ZNF804B: variants seen among roughly 807,000 people sequenced by gnomAD.
The protein encoded by ZNF804B is zinc finger protein 804B.
ZNF804B carries 80 observed loss-of-function variants against 101.4 expected under a neutral mutation model. That is an observed-to-expected ratio of 0.79 (90% CI 0.66 to 0.95). The LOEUF (loss-of-function observed/expected upper bound fraction) is 0.95, where lower values mean the gene tolerates loss of function less well. Among genes scored for constraint, ZNF804B ranks in the 40% least tolerant of loss-of-function variants. The pLI, the probability that ZNF804B is intolerant of heterozygous loss-of-function variation, is 0.00. For missense variants in ZNF804B, 1,673 were observed against 1,561.9 expected, an observed-to-expected ratio of 1.07 and a Z score of -1.20; for synonymous variants, 622 against 558.8, an observed-to-expected ratio of 1.11 and a Z score of -1.59.
intron 1 of ZNF804B, among the ~76,000 whole-genome samples, chr7:89,017,731 A>C (rs1005595431): frequency 6.6e-6 from 1 of 152,018 alleles, no homozygotes; most frequent in Non-Finnish European, 1.5e-5. Flanking sequence ...ATAGAGATTG[A>C]TCACCTTCTT....
rs541975264 is a variant in ZNF804B, at chr7:89,240,700, C to G, written c.249+22405C>G. Among the ~76,000 whole-genome samples, 20 of 152,046 alleles carry G rather than the reference C, an allele frequency of 1.3e-4. No individual in the cohort carries two copies. In the South Asian group the frequency reaches 4.1e-3, roughly 32 times the overall value. On this transcript the variant is annotated intron_variant, in intron 2 of 3. Coordinates refer to ENST00000333190, the MANE Select transcript of ZNF804B (RefSeq NM_181646.5). ...CATTTTTTTCCACTTTTATCTTCAT[C>G]TTCCTTGGCTCTCTACACTGAGTAT...
intron 1 of ZNF804B, among the ~76,000 whole-genome samples, chr7:89,121,274 T>C (rs1790401551): frequency 6.6e-6 from 1 of 152,222 alleles, no homozygotes; most frequent in Non-Finnish European, 1.5e-5. Flanking sequence ...ATAAGACTAA[T>C]GTATTTCCTA....
At chr7:89,144,748 T>C (rs1259548332) in intron 1 of ZNF804B, among the ~76,000 whole-genome samples, 3 of 152,096 alleles carry the variant, frequency 2.0e-5, no homozygotes, top group Admixed American at 2.0e-4. Flanking sequence ...TTAATTAGCT[T>C]GATTTAATCA....
chr7:89,008,767 C>T (rs1788409285), intron 1 of ZNF804B, among the ~76,000 whole-genome samples: 1 of 152,120 alleles, frequency 6.6e-6, no homozygotes, highest in Admixed American at 6.6e-5. Flanking sequence ...TAGAATCCTA[C>T]CAAAAAGGAA....
At chr7:88,869,729 A>G (rs1360355187) in intron 1 of ZNF804B, among the ~76,000 whole-genome samples, 1 of 152,086 alleles carries the variant, frequency 6.6e-6, no homozygotes, top group African/African-American at 2.4e-5. Flanking sequence ...AAGATAAGGA[A>G]CCCCTGGAGT....
chr7:88,998,781 G>A (rs979403529), intron 1 of ZNF804B, among the ~76,000 whole-genome samples: 1 of 151,880 alleles, frequency 6.6e-6, no homozygotes, highest in African/African-American at 2.4e-5. Flanking sequence ...TTACAATACG[G>A]GATAATTGGG....
intron 2 of ZNF804B, among the ~76,000 whole-genome samples, chr7:89,219,780 A>G (rs1366207288): frequency 1.3e-5 from 2 of 151,288 alleles, no homozygotes; most frequent in Non-Finnish European, 2.9e-5. Flanking sequence ...TATTCAGATT[A>G]AACAAAAATA....
At chr7:88,854,533 T>TTCCTTCCCTTCCCTTCCCTTCCCTTC (rs796987599) in intron 1 of ZNF804B, among the ~76,000 whole-genome samples, 1 of 78,178 alleles carries the variant, frequency 1.3e-5, no homozygotes, top group African/African-American at 5.8e-5. Context: ...TTCCTTTCCT[T>TTCCTTCCCTTCCCTTCCCTTCCCTTC]CCTTCCTTCC....
At chr7:88,893,338 C>G (rs1792240237) in intron 1 of ZNF804B, among the ~76,000 whole-genome samples, 1 of 152,020 alleles carries the variant, frequency 6.6e-6, no homozygotes, top group Non-Finnish European at 1.5e-5. Flanking sequence ...CATCTATCAT[C>G]CGTATTGCTT....
rs1260926908 is a variant in ZNF804B, at chr7:88,893,732, G to A, written c.108+133648G>A. On this transcript the variant is annotated intron_variant, in intron 1 of 3. Coordinates refer to ENST00000333190, the MANE Select transcript of ZNF804B (RefSeq NM_181646.5). ...GAAAAGCTGTGTGTCACAATGTGAAGCGACATTTTGAAAGATATAATAGAC... is the reference window on the plus strand; with the variant it reads ...GAAAAGCTGTGTGTCACAATGTGAAACGACATTTTGAAAGATATAATAGAC... Among the ~76,000 whole-genome samples the A allele has an allele frequency of 2.6e-5, 4 of 152,272 alleles. No individual in the cohort carries two copies. The East Asian group carries it at 7.7e-4, about 29-fold the overall frequency.
intron 2 of ZNF804B, among the ~76,000 whole-genome samples, chr7:89,244,509 A>G (rs1457725138): frequency 1.3e-5 from 2 of 152,160 alleles, no homozygotes; most frequent in Admixed American, 6.5e-5. Flanking sequence ...GAAATTGCAC[A>G]AAAATAAAAG....
intron 1 of ZNF804B, among the ~76,000 whole-genome samples, chr7:89,065,607 A>G (rs972519812): frequency 2.6e-5 from 4 of 152,026 alleles, no homozygotes; most frequent in African/African-American, 4.8e-5. Context: ...TAAAACACCA[A>G]TTTATTCTCT....
In ZNF804B at chr7:88,930,110, T is replaced by C. The variant is rs1792861124; in HGVS notation, c.108+170026T>C. On this transcript the variant is annotated intron_variant, in intron 1 of 3. Transcript: ENST00000333190. ...AGATCATTAAACAAATGTTTAGTTT[T>C]CAGAATGCACTAGGAGGTGAATTAT... 2.6e-5 allele frequency among the ~76,000 whole-genome samples: 4 copies of C among 152,060 alleles called. No homozygotes were observed. In the South Asian group the frequency reaches 8.3e-4, roughly 32 times the overall value.
At chr7:89,255,906 T>C (rs1434504748) in intron 2 of ZNF804B, among the ~76,000 whole-genome samples, 1 of 151,982 alleles carries the variant, frequency 6.6e-6, no homozygotes, top group African/African-American at 2.4e-5. Flanking sequence ...GCAGAGGGGG[T>C]AATATAAATT....
intron 1 of ZNF804B, among the ~76,000 whole-genome samples, chr7:88,957,266 C>G (rs1421537321): frequency 6.6e-6 from 1 of 151,454 alleles, no homozygotes; most frequent in Non-Finnish European, 1.5e-5. Context: ...ATTGAGATGT[C>G]TTAAACCTTG....
intron 2 of ZNF804B, among the ~76,000 whole-genome samples, chr7:89,301,099 GTTTTT>G (rs5885673): frequency 1.3e-5 from 1 of 77,654 alleles, no homozygotes; most frequent in Non-Finnish European, 2.4e-5. Context: ...TTTCAAGCGT[GTTTTT>G]TTTTTTTTTT....
At chr7:89,289,633 C>T (rs1384318023) in intron 2 of ZNF804B, among the ~76,000 whole-genome samples, 1 of 152,040 alleles carries the variant, frequency 6.6e-6, no homozygotes, top group African/African-American at 2.4e-5. Flanking sequence ...CTGAACTCAG[C>T]TGGTGCCCAT....
rs192408909 is a variant in ZNF804B at position 88,933,324 on chromosome 7, C to A, written c.108+173240C>A. On this transcript the variant is annotated intron_variant, in intron 1 of 3. Coordinates refer to ENST00000333190, the MANE Select transcript of ZNF804B (RefSeq NM_181646.5). ...AGTAATAAAAGACATATATGACAAA[C>A]CAACATCATATTGAATCAGGAAAAG... Among the ~76,000 whole-genome samples, 10 of 151,864 alleles carry A rather than the reference C, an allele frequency of 6.6e-5. No individual in the cohort carries two copies. The East Asian group carries it at 1.6e-3, about 24-fold the overall frequency.
At chr7:88,804,394 T>C (rs946517095) in intron 1 of ZNF804B, among the ~76,000 whole-genome samples, 2 of 152,158 alleles carry the variant, frequency 1.3e-5, no homozygotes, top group African/African-American at 4.8e-5. Flanking sequence ...GAATACTGTA[T>C]GGTATGCTTC....
Sources: gnomAD v4.1 joint callset for allele counts (sites outside exome capture counted in the v4.1 genomes callset) on GRCh38, gnomAD v4.1.1 for gene constraint, MANE v1.5 for transcripts, NCBI Gene and HGNC (gene_info 2026-07-23, HGNC 2026-07-21) for gene names.